Variants in DNAJC24 observed in about 807,000 individuals in gnomAD.
DNAJC24 encodes dnaJ homolog subfamily C member 24.
DNAJC24 carries 17 observed loss-of-function variants against 18.0 expected under a neutral mutation model. The observed-to-expected ratio is 0.94, with a 90% CI of 0.65 to 1.42. DNAJC24 has a LOEUF of 1.42. Ranked by LOEUF, DNAJC24 falls within the 40% of genes most tolerant of loss-of-function variation. The probability of loss-of-function intolerance (pLI) is 0.00; values close to 1 mark genes in which losing one functional copy is unlikely to be tolerated. For synonymous variants in DNAJC24, 55 were observed against 57.7 expected (o/e 0.95, Z 0.21); for missense variants, 158 against 175.6 (o/e 0.90, Z 0.57).
intron 2 of DNAJC24, among the ~76,000 whole-genome samples, chr11:31,402,073 C>T (rs1952605915): frequency 6.6e-6 from 1 of 152,152 alleles, no homozygotes; most frequent in East Asian, 1.9e-4. Context: ...GTGAGAACAT[C>T]ACAGAGTGCA....
At chr11:31,382,904 G>T (rs1952390573) in intron 2 of DNAJC24, among the ~76,000 whole-genome samples, 1 of 152,122 alleles carries the variant, frequency 6.6e-6, no homozygotes, top group South Asian at 2.1e-4. Context: ...TGACTGACTG[G>T]CTGTAAATCT....
chr11:31,396,412 T>A, intron 2 of DNAJC24: 1 of 368,832 alleles, frequency 2.7e-6, no homozygotes, highest in Non-Finnish European at 5.3e-6. Context: ...AGCCCCTCAA[T>A]TATATGCAAA....
At chr11:31,390,392 T>G (rs1477810626) in intron 2 of DNAJC24, among the ~76,000 whole-genome samples, 2 of 83,534 alleles carry the variant, frequency 2.4e-5, no homozygotes, top group African/African-American at 1.1e-4. Flanking sequence ...CAAGACTCTA[T>G]CTCAAAAAAA....
intron 2 of DNAJC24, among the ~76,000 whole-genome samples, chr11:31,377,198 C>G (rs1028586592): frequency 5.3e-5 from 8 of 152,016 alleles, no homozygotes; most frequent in African/African-American, 1.9e-4. Flanking sequence ...ACCTCCTGCA[C>G]AATTAGGTGT....
At chr11:31,384,874 A>G (rs966904969) in intron 2 of DNAJC24, 1 of 152,222 alleles carries the variant, frequency 6.6e-6, no homozygotes, top group Non-Finnish European at 1.5e-5. Context: ...AAGAATAAGC[A>G]TATTAGATAC....
intron 2 of DNAJC24, among the ~76,000 whole-genome samples, chr11:31,397,893 C>G (rs929575060): frequency 6.6e-6 from 1 of 151,714 alleles, no homozygotes; most frequent in Non-Finnish European, 1.5e-5. Flanking sequence ...ACCTCTGCCT[C>G]CTGGGTTCAA....
At chr11:31,392,470 G>A (rs1411633883) in intron 2 of DNAJC24, among the ~76,000 whole-genome samples, 3 of 152,050 alleles carry the variant, frequency 2.0e-5, no homozygotes, top group African/African-American at 7.2e-5. Flanking sequence ...TACATACCAA[G>A]TGCTTGTGTA....
rs1952948838 is a variant in DNAJC24, at chr11:31,432,656, C to G, written c.*2255C>G. 2.3e-6 allele frequency: 2 copies of G among 859,840 alleles called. No homozygotes were observed. Among genetic ancestry groups the G allele is most frequent in the East Asian group, 2.5e-5 (1 of 40,498 alleles). The allele number at this position is 859,840 out of a possible 1,614,324, so 53.3% of individuals were successfully genotyped here. A position where few individuals can be genotyped will look rare whatever the true frequency, so the allele number is the denominator to read the frequency against. ...CCCTTTTGCTATCTGTCCCTTTTCT[C>G]TATGCCAGATAAACACTTTCTCCTT... On this transcript the variant is annotated 3_prime_UTR_variant, in exon 5 of 5. Coordinates refer to ENST00000465995, the MANE Select transcript of DNAJC24 (RefSeq NM_181706.5).
At chr11:31,378,388 C>T (rs189711399) in intron 2 of DNAJC24, among the ~76,000 whole-genome samples, 2 of 152,110 alleles carry the variant, frequency 1.3e-5, no homozygotes, top group African/African-American at 2.4e-5. Flanking sequence ...AATTCTTTTT[C>T]GTGATAAAAG....
intron 2 of DNAJC24, among the ~76,000 whole-genome samples, chr11:31,374,618 G>A (rs1157590821): frequency 7.4e-6 from 1 of 134,674 alleles, no homozygotes; most frequent in African/African-American, 2.5e-5. Flanking sequence ...CCCATAAAAT[G>A]AATTGTGATT....
At chr11:31,376,451 G>T (rs1367986838) in intron 2 of DNAJC24, among the ~76,000 whole-genome samples, 1 of 152,132 alleles carries the variant, frequency 6.6e-6, no homozygotes, top group Non-Finnish European at 1.5e-5. Context: ...GTTTAAGAAG[G>T]CTAGGAAGTA....
At chr11:31,413,738 A>G (rs1402051794) in intron 2 of DNAJC24, among the ~76,000 whole-genome samples, 3 of 152,170 alleles carry the variant, frequency 2.0e-5, no homozygotes, top group Non-Finnish European at 4.4e-5. Context: ...TGGTTACACA[A>G]AAGAACCTGG....
rs1952190039 is a variant in DNAJC24, at chr11:31,369,899, C to G, written c.-47C>G. On this transcript the variant is annotated 5_prime_UTR_variant, in exon 1 of 5. Transcript: ENST00000465995. The stretch of plus-strand genomic sequence containing the variant: ...GCAGGCGAGGAGTGGGTAGCAGCGC[C>G]TATGTGAAGTTAGGTAGGTCTGATG... The G allele has an allele frequency of 6.6e-6, 1 of 152,548 alleles. No individual in the cohort carries two copies. The highest frequency in any genetic ancestry group is 2.1e-4 in the South Asian group (1 of 4,812). The allele number at this position is 152,548 out of a possible 1,614,324, so 9.4% of individuals were successfully genotyped here.
rs1952912244 is a variant in DNAJC24, at chr11:31,430,562, A to G, written c.*161A>G. On this transcript the variant is annotated 3_prime_UTR_variant, in exon 5 of 5. Coordinates refer to ENST00000465995, the MANE Select transcript of DNAJC24 (RefSeq NM_181706.5). ...GACCACCTCAGATTAATAGAGAATG[A>G]ATATAATTATTTATTTGTATTTATA... The G allele has an allele frequency of 5.5e-6, 2 of 364,082 alleles. No homozygotes were observed. Among genetic ancestry groups the G allele is most frequent in the Non-Finnish European group, 9.4e-6 (2 of 213,200 alleles). 22.6% of individuals were successfully genotyped at this position (364,082 alleles called of 1,614,324 possible).
At chr11:31,424,511 G>A (rs923876370) in intron 3 of DNAJC24, among the ~76,000 whole-genome samples, 1 of 152,142 alleles carries the variant, frequency 6.6e-6, no homozygotes, top group African/African-American at 2.4e-5. Context: ...AGGAGTATCT[G>A]AAGAGCATAT....
intron 2 of DNAJC24, among the ~76,000 whole-genome samples, chr11:31,405,335 G>T (rs1952646737): frequency 6.6e-6 from 1 of 151,082 alleles, no homozygotes; most frequent in Non-Finnish European, 1.5e-5. Flanking sequence ...CTCCCAAAGT[G>T]CTGGGATTAC....
intron 2 of DNAJC24, among the ~76,000 whole-genome samples, chr11:31,412,538 T>G (rs1952718925): frequency 6.6e-6 from 1 of 152,216 alleles, no homozygotes; most frequent in African/African-American, 2.4e-5. Flanking sequence ...CCAACTCCAC[T>G]TTGGCTTAGG....
intron 2 of DNAJC24, among the ~76,000 whole-genome samples, chr11:31,382,674 A>C (rs753795336): frequency 4.8e-4 from 73 of 152,176 alleles, no homozygotes; most frequent in Non-Finnish European, 8.1e-4. Flanking sequence ...ACTCTCACAC[A>C]CCACTCAATA....
intron 2 of DNAJC24, among the ~76,000 whole-genome samples, chr11:31,382,088 G>T (rs1163588374): frequency 6.6e-6 from 1 of 152,132 alleles, no homozygotes; most frequent in Non-Finnish European, 1.5e-5. Context: ...TCTAGGAACT[G>T]TTTCCAGGTG....
Sources: gnomAD v4.1 joint callset for allele counts (sites outside exome capture counted in the v4.1 genomes callset) on GRCh38, gnomAD v4.1.1 for gene constraint, MANE v1.5 for transcripts, NCBI Gene and HGNC (gene_info 2026-07-23, HGNC 2026-07-21) for gene names.